Variants in GRIK2 observed in about 807,000 individuals in gnomAD.
GRIK2 encodes the protein glutamate receptor ionotropic, kainate 2.
GRIK2 carries 32 observed loss-of-function variants against 100.3 expected under a neutral mutation model. The ratio of observed to expected loss-of-function variants is 0.32; its 90% CI spans 0.24 to 0.43. The LOEUF (loss-of-function observed/expected upper bound fraction) is 0.43. GRIK2 is among the 20% of genes least tolerant of loss of function. The probability of loss-of-function intolerance (pLI) is 1.00; values close to 1 mark genes in which losing one functional copy is unlikely to be tolerated. For synonymous variants in GRIK2, 417 were observed against 389.4 expected (o/e 1.07, Z -0.83); for missense variants, 843 against 1,114.9 (o/e 0.76, Z 3.47).
intron 2 of GRIK2, among the ~76,000 whole-genome samples, chr6:101,457,618 T>G (rs1355152236): frequency 6.6e-6 from 1 of 152,174 alleles, no homozygotes; most frequent in African/African-American, 2.4e-5. Context: ...AAATATAATC[T>G]ATAGCCTATT....
chr6:101,911,201 A>AATAAAGGG (rs1374638506), intron 12 of GRIK2, among the ~76,000 whole-genome samples: 2 of 151,464 alleles, frequency 1.3e-5, no homozygotes, highest in African/African-American at 4.8e-5. Context: ...AGAAAGAAGG[A>AATAAAGGG]ATAATGAATG....
At chr6:101,429,735 C>T (rs1769271396) in intron 2 of GRIK2, among the ~76,000 whole-genome samples, 1 of 151,874 alleles carries the variant, frequency 6.6e-6, no homozygotes, top group Admixed American at 6.6e-5. Context: ...TTTTTCCTTA[C>T]ACAATGACGT....
intron 9 of GRIK2, among the ~76,000 whole-genome samples, chr6:101,812,452 A>G (rs1021438290): frequency 6.6e-6 from 1 of 151,964 alleles, no homozygotes; most frequent in African/African-American, 2.4e-5. Context: ...CATAAGTGGC[A>G]TTTCTGAGAT....
intron 10 of GRIK2, among the ~76,000 whole-genome samples, chr6:101,853,538 C>T (rs1784257147): frequency 6.6e-6 from 1 of 152,154 alleles, no homozygotes; most frequent in African/African-American, 2.4e-5. Context: ...CAGTTTCTTT[C>T]AAAACTAAGC....
At chr6:101,913,900 T>C (rs932060483) in intron 12 of GRIK2, among the ~76,000 whole-genome samples, 4 of 151,494 alleles carry the variant, frequency 2.6e-5, no homozygotes, top group African/African-American at 9.7e-5. Flanking sequence ...GCCTTGAATA[T>C]TGGGCAGAAG....
chr6:101,849,111 C>T (rs1358108368), intron 10 of GRIK2, among the ~76,000 whole-genome samples: 1 of 151,634 alleles, frequency 6.6e-6, no homozygotes, highest in Non-Finnish European at 1.5e-5. Flanking sequence ...AACTTGCTGC[C>T]TTATACTATC....
intron 2 of GRIK2, among the ~76,000 whole-genome samples, chr6:101,492,515 A>G (rs1476384196): frequency 2.0e-5 from 3 of 151,838 alleles, no homozygotes; most frequent in Non-Finnish European, 4.4e-5. Context: ...AATTAATGTT[A>G]TTATTCTTTT....
At chr6:102,011,179 T>C (rs1795511960) in intron 14 of GRIK2, among the ~76,000 whole-genome samples, 1 of 152,224 alleles carries the variant, frequency 6.6e-6, no homozygotes, top group Admixed American at 6.5e-5. Flanking sequence ...GTGAGAGTTC[T>C]TGTTGTTCCA....
chr6:101,894,938 G>C (rs984643020), intron 12 of GRIK2, among the ~76,000 whole-genome samples: 1 of 151,502 alleles, frequency 6.6e-6, no homozygotes, highest in Non-Finnish European at 1.5e-5. Context: ...CCCTCCAACA[G>C]GATTGATGTA....
At position 101,889,623 on chromosome 6, in the gene GRIK2, T is replaced by TTTTTTTTTTTTTTTTTTTA; in HGVS notation, c.1525-15_1525-14insTTTTTTTTTTTTTTTTATT. On this transcript the variant is annotated splice_polypyrimidine_tract_variant and intron_variant, in intron 11 of 16. Transcript: ENST00000369134. ...TTTCTTTCTTTTTTTTTTTTTTTTG[T>TTTTTTTTTTTTTTTTTTTA]TTGTTTCTGTCTACAGAAAGCTGAC... 1 of 1,163,074 alleles carries TTTTTTTTTTTTTTTTTTTA rather than the reference T, an allele frequency of 8.6e-7. No homozygotes were observed. Among genetic ancestry groups the TTTTTTTTTTTTTTTTTTTA allele is most frequent in the Non-Finnish European group, 1.2e-6 (1 of 830,794 alleles). 72.0% of individuals were successfully genotyped at this position (1,163,074 alleles called of 1,614,324 possible).
At position 101,799,685 on chromosome 6, in the gene GRIK2, T is replaced by G. The variant is rs776948566; in HGVS notation, c.989T>G (p.Val330Gly). 17 of 1,612,802 alleles carry G rather than the reference T, an allele frequency of 1.1e-5. No homozygotes were observed. The highest frequency in any genetic ancestry group is 1.7e-5 in the Admixed American group (1 of 59,972). The change falls in exon 8 of 17, where the codon GTG becomes GGG. Residue 330 changes from valine to glycine, a missense_variant. Around this residue, in one of 3 missense-constraint regions of GRIK2, gnomAD observed 519 missense variants for 643.8 expected, o/e 0.81. Transcript: ENST00000369134. ...CTAATGTATGATGCTGTGCATGTGG[T>G]GTCTGTGGCCGTTCAACAGTTTCCC... Reference protein sequence around the residue: ...AALMYDAVHVVSVAVQQFPQM... With the variant: ...AALMYDAVHVGSVAVQQFPQM...
At chr6:101,571,283 G>A (rs1291303407) in intron 2 of GRIK2, among the ~76,000 whole-genome samples, 18 of 151,842 alleles carry the variant, frequency 1.2e-4, no homozygotes, top group Non-Finnish European at 1.5e-5. Context: ...TCTACATTAG[G>A]TATATCTCCT....
intron 2 of GRIK2, among the ~76,000 whole-genome samples, chr6:101,434,584 A>G (rs1238473822): frequency 6.6e-6 from 1 of 152,106 alleles, no homozygotes; most frequent in African/African-American, 2.4e-5. Context: ...TTATAGCTCT[A>G]TCGAGTTTAA....
At chr6:101,949,969 A>G (rs1446705547) in intron 14 of GRIK2, among the ~76,000 whole-genome samples, 3 of 152,120 alleles carry the variant, frequency 2.0e-5, no homozygotes, top group Non-Finnish European at 2.9e-5. Flanking sequence ...ATATGTCTCA[A>G]TCATGCTGAT....
chr6:101,597,332 T>C (rs912638426), intron 2 of GRIK2, among the ~76,000 whole-genome samples: 7 of 151,796 alleles, frequency 4.6e-5, no homozygotes, highest in African/African-American at 1.4e-4. Context: ...TCATGCAATA[T>C]ACCCTTGTAA....
intron 14 of GRIK2, among the ~76,000 whole-genome samples, chr6:102,011,621 T>A (rs1004583502): frequency 1.5e-5 from 2 of 137,700 alleles, no homozygotes; most frequent in East Asian, 4.3e-4. Flanking sequence ...TCTCACTCTG[T>A]CACCCAGGTT....
At chr6:101,975,773 G>A (rs1472508412) in intron 14 of GRIK2, among the ~76,000 whole-genome samples, 1 of 146,660 alleles carries the variant, frequency 6.8e-6, no homozygotes, top group Non-Finnish European at 1.5e-5. Context: ...TTATCTATGT[G>A]TCTATCTGTC....
intron 14 of GRIK2, among the ~76,000 whole-genome samples, chr6:102,010,315 A>G (rs1795460557): frequency 3.3e-5 from 5 of 151,192 alleles, no homozygotes; most frequent in South Asian, 4.2e-4. Context: ...TCACTGCCCT[A>G]ATCCTGTGTT....
At chr6:101,631,341 T>C (rs1278462833) in intron 4 of GRIK2, among the ~76,000 whole-genome samples, 1 of 152,140 alleles carries the variant, frequency 6.6e-6, no homozygotes, top group Non-Finnish European at 1.5e-5. Context: ...TGTTTATAGA[T>C]CAGCAGTCCA....
Sources: allele counts gnomAD v4.1 joint callset (sites outside exome capture counted in the v4.1 genomes callset), GRCh38; gene constraint gnomAD v4.1.1; regional missense constraint gnomAD v4.1.1; transcripts MANE v1.5; gene names NCBI Gene and HGNC (gene_info 2026-07-23, HGNC 2026-07-21).